EFCAB3: variants seen among roughly 807,000 people sequenced by gnomAD.
The protein encoded by EFCAB3 is EF-hand calcium binding domain 3.
EFCAB3 carries 36 observed loss-of-function variants against 42.2 expected under a neutral mutation model. That is an observed-to-expected ratio of 0.85 (90% CI 0.65 to 1.13). The LOEUF (loss-of-function observed/expected upper bound fraction) is 1.13. Among genes scored for constraint, EFCAB3 ranks in the 50% most tolerant of loss-of-function variants. The pLI is 0.00. For synonymous variants in EFCAB3, 170 were observed against 172.8 expected (o/e 0.98, Z 0.13); for missense variants, 418 against 505.1 (o/e 0.83, Z 1.65).
intron 8 of EFCAB3, 30 bp from the exon 9 acceptor site, chr17:62,413,702 A>G: frequency 6.4e-7 from 1 of 1,551,366 alleles, no homozygotes; most frequent in South Asian, 1.3e-5. Flanking sequence ...AAAATGTATT[A>G]CTAACCTTCT....
At chr17:62,391,768 G>A in intron 3 of EFCAB3, 54 bp from the exon 4 acceptor site, 2 of 1,582,514 alleles carry the variant, frequency 1.3e-6, no homozygotes, top group South Asian at 1.1e-5. Flanking sequence ...TCCTATTAGT[G>A]TATGTACTTC....
rs2070454456 is a variant in EFCAB3, at chr17:62,407,069, A to G, written c.724A>G (p.Ile242Val). Residue 242 changes from isoleucine to valine, a missense_variant, in exon 8 of 10, where the codon ATC becomes GTC. Coordinates refer to ENST00000305286, the MANE Select transcript of EFCAB3 (RefSeq NM_173503.4). ...AGATAGCCCATATTCAAAAATACCC[A>G]TCTTTCCATTGTTCCCTAATGTGGA... Reference protein sequence around the residue: ...GSDSPYSKIPIFPLFPNVDGV... With the variant: ...GSDSPYSKIPVFPLFPNVDGV... 1 of 1,601,612 alleles carries G rather than the reference A, an allele frequency of 6.2e-7. No homozygotes were observed. Among genetic ancestry groups the G allele is most frequent in the Non-Finnish European group, 8.5e-7 (1 of 1,176,660 alleles).
chr17:62,405,353 T>G (rs1239274170), intron 6 of EFCAB3, among the ~76,000 whole-genome samples: 4 of 152,214 alleles, frequency 2.6e-5, no homozygotes, highest in Non-Finnish European at 5.9e-5. Context: ...GAATGAGTCC[T>G]TTCCCTCTTC....
chr17:62,381,301 AT>A (rs2070195908), intron 1 of EFCAB3, among the ~76,000 whole-genome samples: 1 of 151,888 alleles, frequency 6.6e-6, no homozygotes, highest in South Asian at 2.1e-4. Flanking sequence ...TTCCAGCTTC[AT>A]CCATGTGCCT....
At chr17:62,381,268 G>C (rs1256713961) in intron 1 of EFCAB3, among the ~76,000 whole-genome samples, 1 of 151,342 alleles carries the variant, frequency 6.6e-6, no homozygotes, top group East Asian at 1.9e-4. Context: ...TTGTCCTTGC[G>C]ATAGTTTGCT....
In EFCAB3 at chr17:62,406,672, G is replaced by T; in HGVS notation, c.681G>T (p.Lys227Asn). ...KDLFKFLEEL[K>N]RCNSGSDSPY... ...TATTTAAATTTCTTGAAGAGCTCAA[G>T]AGTAAGAGCCATTTGTTCTCTCTCT... Residue 227 changes from lysine to asparagine, a missense_variant and splice_region_variant, in exon 7 of 10, where the codon AAG becomes AAT. Physicochemically the swap from Lys to Asn is moderately conservative, Grantham distance 94 (BLOSUM62 0). Transcript: ENST00000305286. The T allele has an allele frequency of 6.2e-7, 1 of 1,613,918 alleles. No homozygotes were observed. The highest frequency in any genetic ancestry group is 1.1e-5 in the South Asian group (1 of 91,062).
intron 1 of EFCAB3, chr17:62,370,386 G>T: frequency 6.7e-7 from 1 of 1,493,782 alleles, no homozygotes; most frequent in South Asian, 1.2e-5. Context: ...TGGGCATGGT[G>T]ATTCACGCCT....
intron 1 of EFCAB3, chr17:62,381,759 G>C (rs1407415703): frequency 5.1e-6 from 2 of 390,186 alleles, no homozygotes; most frequent in African/African-American, 2.1e-5. Context: ...GGACAGCGTA[G>C]GCATCGAGGC....
chr17:62,407,659 C>T (rs1226253401), intron 8 of EFCAB3, among the ~76,000 whole-genome samples: 2 of 152,212 alleles, frequency 1.3e-5, no homozygotes, highest in Non-Finnish European at 2.9e-5. Flanking sequence ...GTCCCAGCTG[C>T]ACCTTCTGGC....
chr17:62,375,761 A>G (rs1201246134), upstream of EFCAB3, among the ~76,000 whole-genome samples: 2 of 152,202 alleles, frequency 1.3e-5, no homozygotes, highest in East Asian at 1.9e-4. Flanking sequence ...GCTCTTAACC[A>G]TTTATAAAGC....
intron 6 of EFCAB3, among the ~76,000 whole-genome samples, chr17:62,400,835 A>G (rs1363550539): frequency 6.6e-6 from 1 of 152,208 alleles, no homozygotes; most frequent in Non-Finnish European, 1.5e-5. Flanking sequence ...AGCAGTTTAC[A>G]GTCCTACACA....
chr17:62,382,989 T>G lies in EFCAB3; in HGVS notation c.10T>G (p.Ser4Ala). MAV[S>A]EIKPKLKLNP... is the part of the protein sequence containing the mutation. ...CAGAGTCACTGGCCACATGGCAGTT[T>G]CAGAAATTAAACCAAAACTTAAGCT... Residue 4 changes from serine (S) to alanine (A), a missense_variant, in exon 2 of 10, where the codon TCA (serine) becomes GCA (alanine). Ser to Ala is a moderately conservative substitution (Grantham distance 99, BLOSUM62 1). Transcript: ENST00000305286. The G allele has an allele frequency of 6.2e-7, 1 of 1,613,688 alleles. No individual in the cohort carries two copies. Among genetic ancestry groups the G allele is most frequent in the South Asian group, 1.1e-5 (1 of 90,854 alleles).
At chr17:62,406,977 G>A (rs1476603403) in intron 7 of EFCAB3, 51 bp from the exon 8 acceptor site, 5 of 1,529,434 alleles carry the variant, frequency 3.3e-6, no homozygotes, top group Admixed American at 2.2e-5. Context: ...TCTTTTATGT[G>A]AACTTCTTCT....
At chr17:62,377,013 A>C (rs2070155969), upstream of EFCAB3, among the ~76,000 whole-genome samples, 1 of 152,156 alleles carries the variant, frequency 6.6e-6, no homozygotes, top group South Asian at 2.1e-4. Flanking sequence ...TAGCAAACTA[A>C]TATCCAGGAA....
intron 6 of EFCAB3, among the ~76,000 whole-genome samples, chr17:62,401,986 C>T (rs1254390013): frequency 9.9e-5 from 15 of 152,134 alleles, no homozygotes; most frequent in Admixed American, 9.8e-4. Flanking sequence ...TTGTAATTAT[C>T]CTTGAAGAGG....
intron 3 of EFCAB3, 103 bp downstream of exon 3, chr17:62,387,519 C>T: frequency 2.1e-6 from 2 of 946,068 alleles, no homozygotes; most frequent in South Asian, 1.6e-5. Context: ...GTCTACACCA[C>T]CATCATTTGA....
At chr17:62,403,294 C>T (rs1264941380) in intron 6 of EFCAB3, among the ~76,000 whole-genome samples, 2 of 152,172 alleles carry the variant, frequency 1.3e-5, no homozygotes, top group East Asian at 1.9e-4. Context: ...TATCTTACCT[C>T]CTCAACATGA....
At chr17:62,396,628 C>T (rs1307510106) in intron 6 of EFCAB3, among the ~76,000 whole-genome samples, 4 of 151,464 alleles carry the variant, frequency 2.6e-5, no homozygotes, top group East Asian at 1.9e-4. Flanking sequence ...CACCATGGAT[C>T]GCACCTGTAA....
chr17:62,378,253 T>C (rs897222653), upstream of EFCAB3, among the ~76,000 whole-genome samples: 25 of 152,236 alleles, frequency 1.6e-4, no homozygotes, highest in Non-Finnish European at 8.8e-5. Flanking sequence ...TTTATATTCT[T>C]TTCTAATGCT....
Sources: allele counts gnomAD v4.1 joint callset (sites outside exome capture counted in the v4.1 genomes callset), GRCh38; gene constraint gnomAD v4.1.1; transcripts MANE v1.5; gene names NCBI Gene and HGNC (gene_info 2026-07-23, HGNC 2026-07-21).